The following STXBP6 variants were observed in gnomAD, a reference collection of about 807,000 sequenced individuals.
STXBP6 encodes syntaxin binding protein 6.
A neutral mutation model predicts 26.9 loss-of-function variants in STXBP6; 21 were observed. The observed-to-expected ratio is 0.78, with a 90% CI of 0.55 to 1.12. STXBP6 has a LOEUF of 1.12. STXBP6 is among the 50% of genes most tolerant of loss of function. The pLI, the probability that STXBP6 is intolerant of heterozygous loss-of-function variation, is 0.00. For missense variants in STXBP6, 232 were observed against 257.9 expected, an observed-to-expected ratio of 0.90 and a Z score of 0.69; for synonymous variants, 97 against 92.6, an observed-to-expected ratio of 1.05 and a Z score of -0.27.
chr14:24,874,986 T>G (rs979118645), intron 2 of STXBP6, among the ~76,000 whole-genome samples: 41 of 152,214 alleles, frequency 2.7e-4, no homozygotes, highest in African/African-American at 9.9e-4. Context: ...GCACAGGATT[T>G]GGCCTAGAAA....
At chr14:25,023,375 T>G (rs1009212646) in intron 1 of STXBP6, among the ~76,000 whole-genome samples, 1 of 152,206 alleles carries the variant, frequency 6.6e-6, no homozygotes, top group Non-Finnish European at 1.5e-5. Context: ...TTCAAATATT[T>G]TTTACAAATT....
chr14:24,825,393 C>CT (rs2068252327), intron 4 of STXBP6, among the ~76,000 whole-genome samples: 1 of 152,156 alleles, frequency 6.6e-6, no homozygotes, highest in Non-Finnish European at 1.5e-5. Flanking sequence ...TCAGAATTAT[C>CT]TTTTGTCTCA....
At chr14:24,848,647 A>G (rs914397647) in intron 4 of STXBP6, among the ~76,000 whole-genome samples, 2 of 152,254 alleles carry the variant, frequency 1.3e-5, no homozygotes, top group South Asian at 2.1e-4. Context: ...CAGCTGTTTC[A>G]CAGCATGCAT....
intron 2 of STXBP6, among the ~76,000 whole-genome samples, chr14:24,897,018 T>C (rs1395594442): frequency 1.3e-5 from 2 of 152,182 alleles, no homozygotes; most frequent in African/African-American, 4.8e-5. Context: ...CTCTTTGCAC[T>C]AAATCACTGG....
At chr14:25,041,605 T>C (rs1448342512) in intron 1 of STXBP6, among the ~76,000 whole-genome samples, 1 of 148,620 alleles carries the variant, frequency 6.7e-6, no homozygotes, top group African/African-American at 2.5e-5. Context: ...CTCACTGATA[T>C]ACGCCCTATC....
chr14:24,883,697 C>T (rs2070458412), intron 2 of STXBP6, among the ~76,000 whole-genome samples: 1 of 151,858 alleles, frequency 6.6e-6, no homozygotes, highest in Non-Finnish European at 1.5e-5. Flanking sequence ...CCACTGGAAT[C>T]ACTGGGCTGG....
At chr14:24,934,443 A>C (rs1003778524) in intron 2 of STXBP6, among the ~76,000 whole-genome samples, 5 of 152,224 alleles carry the variant, frequency 3.3e-5, no homozygotes, top group African/African-American at 1.2e-4. Flanking sequence ...ATTCTTGTTC[A>C]AAGTATAAAC....
At chr14:25,020,029 C>T (rs2075233629) in intron 1 of STXBP6, among the ~76,000 whole-genome samples, 1 of 152,058 alleles carries the variant, frequency 6.6e-6, no homozygotes. Context: ...GTTTCAGTTA[C>T]TGCCAAAGCC....
At chr14:25,031,248 T>C (rs2075448808) in intron 1 of STXBP6, among the ~76,000 whole-genome samples, 1 of 152,006 alleles carries the variant, frequency 6.6e-6, no homozygotes, top group Admixed American at 6.5e-5. Flanking sequence ...AACTGAAAAA[T>C]AGGCTTTAAT....
chr14:25,047,094 T>C (rs1336326393), intron 1 of STXBP6, among the ~76,000 whole-genome samples: 2 of 152,236 alleles, frequency 1.3e-5, no homozygotes, highest in Non-Finnish European at 2.9e-5. Context: ...CTAGGTGATC[T>C]ATTCTGTCCT....
At chr14:24,813,815 A>C (rs991061152) in intron 5 of STXBP6, among the ~76,000 whole-genome samples, 1 of 152,214 alleles carries the variant, frequency 6.6e-6, no homozygotes, top group African/African-American at 2.4e-5. Context: ...GGGCAACCTG[A>C]GTCTTCTCTT....
At chr14:24,982,554 G>A (rs1280803602) in intron 1 of STXBP6, among the ~76,000 whole-genome samples, 1 of 152,176 alleles carries the variant, frequency 6.6e-6, no homozygotes, top group Non-Finnish European at 1.5e-5. Context: ...AAGGAAACGA[G>A]GAATTGCTTT....
intron 1 of STXBP6, among the ~76,000 whole-genome samples, chr14:25,016,174 C>T (rs1595324154): frequency 6.6e-6 from 1 of 152,102 alleles, no homozygotes; most frequent in African/African-American, 2.4e-5. Flanking sequence ...ACCTATTATA[C>T]TTTTTTCCTA....
intron 2 of STXBP6, among the ~76,000 whole-genome samples, chr14:24,967,209 G>GT (rs1262617708): frequency 6.6e-5 from 10 of 152,222 alleles, no homozygotes; most frequent in Admixed American, 2.0e-4. Flanking sequence ...TAGCACTGCT[G>GT]TAAGGATTAA....
intron 2 of STXBP6, among the ~76,000 whole-genome samples, chr14:24,924,670 T>C (rs1196835558): frequency 6.6e-6 from 1 of 152,190 alleles, no homozygotes. Flanking sequence ...CAAGCATGTA[T>C]GTACCTCCTG....
intron 2 of STXBP6, among the ~76,000 whole-genome samples, chr14:24,943,033 T>C (rs2072859172): frequency 6.6e-6 from 1 of 152,222 alleles, no homozygotes; most frequent in Non-Finnish European, 1.5e-5. Context: ...AAAAGGTGTA[T>C]GCTCACTCTT....
intron 1 of STXBP6, among the ~76,000 whole-genome samples, chr14:25,032,542 C>T (rs1440179113): frequency 2.0e-5 from 3 of 152,198 alleles, no homozygotes; most frequent in Admixed American, 2.0e-4. Flanking sequence ...CAGGCATTTA[C>T]CTAAGCAGGA....
At chr14:24,919,037 T>C (rs2071879584) in intron 2 of STXBP6, among the ~76,000 whole-genome samples, 2 of 152,036 alleles carry the variant, frequency 1.3e-5, no homozygotes, top group South Asian at 4.1e-4. Flanking sequence ...TAATGGAGAC[T>C]CTGGAAAAAT....
chr14:24,977,422 CAA>C (rs929381617), intron 1 of STXBP6, among the ~76,000 whole-genome samples: 7 of 151,162 alleles, frequency 4.6e-5, no homozygotes, highest in South Asian at 2.1e-4. Flanking sequence ...TGACCAAGAA[CAA>C]GAGAGAGAGA....
Sources: gnomAD v4.1 joint callset for allele counts (sites outside exome capture counted in the v4.1 genomes callset) on GRCh38, gnomAD v4.1.1 for gene constraint, MANE v1.5 for transcripts, NCBI Gene and HGNC (gene_info 2026-07-23, HGNC 2026-07-21) for gene names.